The following DDX10 variants were observed in gnomAD, a reference collection of about 807,000 sequenced individuals.
The protein encoded by DDX10 is DEAD-box helicase 10.
A neutral mutation model predicts 104.3 loss-of-function variants in DDX10; 74 were observed. That is an observed-to-expected ratio of 0.71 (90% CI 0.59 to 0.86). DDX10 has a LOEUF of 0.86. Among genes scored for constraint, DDX10 ranks in the 40% least tolerant of loss-of-function variants. DDX10 has a pLI of 0.00. For missense variants in DDX10, 952 were observed against 1,040.0 expected (o/e 0.92, Z 1.16); for synonymous variants, 351 against 353.4 (o/e 0.99, Z 0.08).
At chr11:108,692,094 A>G (rs1450366614) in intron 8 of DDX10, 56 bp downstream of exon 8, 5 of 1,486,314 alleles carry the variant, frequency 3.4e-6, no homozygotes, top group Admixed American at 2.1e-5. Context: ...TAATTTGCTT[A>G]TAAAGTATAT....
intron 16 of DDX10, among the ~76,000 whole-genome samples, chr11:108,859,979 A>G (rs989873285): frequency 6.6e-6 from 1 of 152,170 alleles, no homozygotes; most frequent in Admixed American, 6.5e-5. Context: ...ATAGTATACA[A>G]AAGTCTCTAA....
chr11:108,936,657 T>G (rs1035558287), intron 17 of DDX10, among the ~76,000 whole-genome samples: 8 of 152,242 alleles, frequency 5.3e-5, no homozygotes, highest in African/African-American at 1.9e-4. Context: ...AACATCATTT[T>G]TAATAGCTGC....
intron 2 of DDX10, among the ~76,000 whole-genome samples, chr11:108,675,314 T>A (rs757205412): frequency 1.3e-5 from 2 of 152,202 alleles, no homozygotes; most frequent in Non-Finnish European, 2.9e-5. Flanking sequence ...GAATAACTTG[T>A]CTCTCTTCAC....
chr11:108,808,683 A>C (rs1055431287), intron 13 of DDX10, among the ~76,000 whole-genome samples: 1 of 152,132 alleles, frequency 6.6e-6, no homozygotes, highest in Non-Finnish European at 1.5e-5. Flanking sequence ...TTTGAAAAAG[A>C]TTTACTCATC....
chr11:108,786,861 T>C (rs1187992512), intron 13 of DDX10, among the ~76,000 whole-genome samples: 5 of 152,296 alleles, frequency 3.3e-5, no homozygotes. Flanking sequence ...ATTAGTACGA[T>C]ATATGAGATT....
intron 1 of DDX10, among the ~76,000 whole-genome samples, chr11:108,665,871 A>G (rs1415364164): frequency 6.6e-6 from 1 of 152,114 alleles, no homozygotes; most frequent in Non-Finnish European, 1.5e-5. Context: ...ATCCCTCAAC[A>G]TCATCTATGC....
chr11:108,876,793 C>T (rs1200663833), intron 16 of DDX10, among the ~76,000 whole-genome samples: 1 of 152,156 alleles, frequency 6.6e-6, no homozygotes, highest in Non-Finnish European at 1.5e-5. Flanking sequence ...GAAATCACAT[C>T]CTTTTTTTGA....
intron 15 of DDX10, among the ~76,000 whole-genome samples, chr11:108,843,879 C>A (rs968621539): frequency 6.6e-6 from 1 of 152,160 alleles, no homozygotes; most frequent in African/African-American, 2.4e-5. Flanking sequence ...TTTCTTTATG[C>A]AGATAGAAAT....
intron 13 of DDX10, among the ~76,000 whole-genome samples, chr11:108,755,145 G>A (rs528188024): frequency 2.0e-5 from 3 of 152,060 alleles, no homozygotes; most frequent in Admixed American, 6.6e-5. Context: ...TTTCCTTGGG[G>A]ACTTAGAAAA....
At chr11:108,864,371 A>G (rs1428769192) in intron 16 of DDX10, among the ~76,000 whole-genome samples, 4 of 151,994 alleles carry the variant, frequency 2.6e-5, no homozygotes, top group African/African-American at 9.7e-5. Context: ...TGATACTACT[A>G]CTGCCCCATT....
intron 16 of DDX10, among the ~76,000 whole-genome samples, chr11:108,858,960 A>G (rs1862906288): frequency 6.6e-6 from 1 of 152,196 alleles, no homozygotes; most frequent in Non-Finnish European, 1.5e-5. Flanking sequence ...GCTCATAAAT[A>G]TTTGTTGATT....
At chr11:108,675,566 A>G (rs1213677114) in intron 2 of DDX10, 30 bp from the exon 3 acceptor site, 2 of 1,608,338 alleles carry the variant, frequency 1.2e-6, no homozygotes, top group East Asian at 4.5e-5. Context: ...GGGATCTTCT[A>G]AAGTATAATT....
chr11:108,824,758 A>G (rs1435772479), intron 13 of DDX10, among the ~76,000 whole-genome samples: 1 of 152,210 alleles, frequency 6.6e-6, no homozygotes, highest in South Asian at 2.1e-4. Flanking sequence ...ACAGCAGGAA[A>G]TAACTGAGAT....
chr11:108,872,996 G>A (rs1313330250), intron 16 of DDX10, among the ~76,000 whole-genome samples: 1 of 152,116 alleles, frequency 6.6e-6, no homozygotes, highest in Admixed American at 6.6e-5. Context: ...CACTGCTCAG[G>A]AGGAGGCCTG....
chr11:108,856,548 C>G (rs1435453725), intron 16 of DDX10, among the ~76,000 whole-genome samples: 1 of 151,972 alleles, frequency 6.6e-6, no homozygotes, highest in African/African-American at 2.4e-5. Context: ...ACTTTTTAAT[C>G]TACTGGTCTT....
intron 13 of DDX10, among the ~76,000 whole-genome samples, chr11:108,835,492 A>G (rs548243848): frequency 1.3e-5 from 2 of 152,350 alleles, no homozygotes; most frequent in African/African-American, 4.8e-5. Flanking sequence ...GCCTTGAGTG[A>G]GTTGTCCAGG....
intron 16 of DDX10, among the ~76,000 whole-genome samples, chr11:108,859,664 C>A (rs187800212): frequency 6.6e-6 from 1 of 152,202 alleles, no homozygotes; most frequent in Non-Finnish European, 1.5e-5. Context: ...CATTTATATG[C>A]TTGAGTTAGG....
chr11:108,844,314 TATAA>T (rs1446836985), intron 15 of DDX10, among the ~76,000 whole-genome samples: 1 of 152,240 alleles, frequency 6.6e-6, no homozygotes, highest in Admixed American at 6.5e-5. Flanking sequence ...ATTCGACTGA[TATAA>T]ATGTTACCTG....
chr11:108,784,795 G>A (rs1032156403), intron 13 of DDX10, among the ~76,000 whole-genome samples: 2 of 151,998 alleles, frequency 1.3e-5, no homozygotes, highest in African/African-American at 4.8e-5. Context: ...GTATTTTCTA[G>A]GTTATCTTCT....
Sources: allele counts gnomAD v4.1 joint callset (sites outside exome capture counted in the v4.1 genomes callset), GRCh38; gene constraint gnomAD v4.1.1; transcripts MANE v1.5; gene names NCBI Gene and HGNC (gene_info 2026-07-23, HGNC 2026-07-21).